Variants in GNAI3 observed in about 807,000 individuals in gnomAD.
GNAI3 encodes guanine nucleotide-binding protein G(i) subunit alpha-3.
GNAI3 carries 12 observed loss-of-function variants against 41.8 expected under a neutral mutation model. The ratio of observed to expected loss-of-function variants is 0.29; its 90% CI spans 0.18 to 0.47. The LOEUF (loss-of-function observed/expected upper bound fraction) is 0.47, where lower values mean the gene tolerates loss of function less well. Ranked by LOEUF, GNAI3 falls within the 20% of genes least tolerant of loss-of-function variation. The pLI is 1.00. For missense variants in GNAI3, 360 were observed against 429.6 expected, an observed-to-expected ratio of 0.84 and a Z score of 1.43; for synonymous variants, 132 against 146.5, an observed-to-expected ratio of 0.90 and a Z score of 0.71.
chr1:109,597,759 A>G lies in GNAI3; in HGVS notation c.*5437A>G, dbSNP rs1161796386. 2 of 152,252 alleles carry G rather than the reference A, an allele frequency of 1.3e-5. No homozygotes were observed. The highest frequency in any genetic ancestry group is 4.8e-5 in the African/African-American group (2 of 41,466). The allele number at this position is 152,252 out of a possible 1,614,324, so 9.4% of individuals were successfully genotyped here. On this transcript the variant is annotated 3_prime_UTR_variant, in exon 9 of 9. Transcript: ENST00000369851. ...TTATTTATGCAGTGAAAATTGAAAG[A>G]TACACCAAATTAAAGATAAAACCCT... is the stretch of plus-strand genomic sequence containing the variant.
At chr1:109,584,000 A>G (rs1406387227) in intron 5 of GNAI3, among the ~76,000 whole-genome samples, 2 of 152,104 alleles carry the variant, frequency 1.3e-5, no homozygotes, top group Non-Finnish European at 2.9e-5. Flanking sequence ...GACCTTTGAG[A>G]TTAGGAGTAA....
At chr1:109,590,403 C>A (rs72987042) in intron 7 of GNAI3, among the ~76,000 whole-genome samples, 2 of 152,072 alleles carry the variant, frequency 1.3e-5, no homozygotes, top group Non-Finnish European at 2.9e-5. Flanking sequence ...CAGATTCTTA[C>A]GGTCCTTATT....
Position 109,575,310 on chromosome 1 carries a change from C to T in GNAI3, c.303+1273C>T, listed in dbSNP as rs534378986. ...TCTATCTGTGGTCTTATTTTTTCTTCCTCCCTTTTCTCATTTCTCCCTATC... is the reference window on the plus strand; with the variant it reads ...TCTATCTGTGGTCTTATTTTTTCTTTCTCCCTTTTCTCATTTCTCCCTATC... On this transcript the variant is annotated intron_variant, in intron 3 of 8. Coordinates refer to ENST00000369851, the MANE Select transcript of GNAI3 (RefSeq NM_006496.4). Among the ~76,000 whole-genome samples the T allele has an allele frequency of 6.0e-5, 9 of 150,958 alleles. No homozygotes were observed. In the East Asian group the frequency reaches 1.6e-3, roughly 26 times the overall value.
chr1:109,553,211 G>A (rs748329464), intron 1 of GNAI3, among the ~76,000 whole-genome samples: 2 of 151,998 alleles, frequency 1.3e-5, no homozygotes, highest in African/African-American at 4.8e-5. Flanking sequence ...GTGGTGAAAG[G>A]AATTAAATGT....
intron 1 of GNAI3, among the ~76,000 whole-genome samples, chr1:109,555,967 T>TGCGTGC (rs1553222507): frequency 0.08 from 6,892 of 86,584 alleles, 195 homozygotes; most frequent in African/African-American, 0.15. Context: ...TGCGTGCGTG[T>TGCGTGC]GTGTGTGTGT....
In GNAI3 at chr1:109,586,738, C is replaced by A; in HGVS notation, c.730C>A (p.His244Asn). ...TTTATTTCTTTTTCAGAACCGAATGCATGAAAGCATGAAACTGTTTGACAG... is the reference window on the plus strand; with the variant it reads ...TTTATTTCTTTTTCAGAACCGAATGAATGAAAGCATGAAACTGTTTGACAG... ...LAEDEEMNRM[H>N]ESMKLFDSIC... Residue 244 changes from histidine (H) to asparagine (N), a missense_variant, in exon 7 of 9, where the codon CAT (histidine) becomes AAT (asparagine). By Grantham distance (68) the His-to-Asn change is moderately conservative (BLOSUM62 1). Coordinates refer to ENST00000369851, the MANE Select transcript of GNAI3 (RefSeq NM_006496.4). 1 of 1,597,976 alleles carries A rather than the reference C, an allele frequency of 6.3e-7. No homozygotes were observed. Among genetic ancestry groups the A allele is most frequent in the Non-Finnish European group, 8.5e-7 (1 of 1,170,088 alleles).
At chr1:109,559,845 A>G (rs996172538) in intron 1 of GNAI3, among the ~76,000 whole-genome samples, 3 of 152,130 alleles carry the variant, frequency 2.0e-5, no homozygotes, top group Admixed American at 6.5e-5. Context: ...TCTGTAATTC[A>G]AGCTGTTTGA....
chr1:109,549,131 T>C lies in GNAI3; in HGVS notation c.118+293T>C, dbSNP rs572482077. ...GGTAGATGTTGAGGGAGTAGGAATA[T>C]GGGAAAAGCTCATAAAGGAAGAGTT... On this transcript the variant is annotated intron_variant, in intron 1 of 8. Coordinates refer to ENST00000369851, the MANE Select transcript of GNAI3 (RefSeq NM_006496.4). Among the ~76,000 whole-genome samples, 5 of 152,096 alleles carry C rather than the reference T, an allele frequency of 3.3e-5. No homozygotes were observed. The South Asian group carries it at 1.0e-3, about 32-fold the overall frequency.
chr1:109,564,517 A>C (rs911296282), intron 1 of GNAI3, among the ~76,000 whole-genome samples: 4 of 151,930 alleles, frequency 2.6e-5, no homozygotes, highest in Non-Finnish European at 5.9e-5. Flanking sequence ...CTTCCTCTGA[A>C]TCTTTTCCTT....
rs971776563 is a variant in GNAI3, at chr1:109,594,715, C to T, written c.*2393C>T. 5 of 143,452 alleles carry T rather than the reference C, an allele frequency of 3.5e-5. No individual in the cohort carries two copies. The highest frequency in any genetic ancestry group is 8.0e-5 in the African/African-American group (3 of 37,690). 8.9% of individuals were successfully genotyped at this position (143,452 alleles called of 1,614,324 possible). On this transcript the variant is annotated 3_prime_UTR_variant, in exon 9 of 9. Coordinates refer to ENST00000369851, the MANE Select transcript of GNAI3 (RefSeq NM_006496.4). ...TCGCCCAGGCTGGAGTGCAGTGGCG[C>T]GATCTCGGCTTATTGCAAGCTCTGC...
chr1:109,567,480 C>G (rs1304302969), intron 1 of GNAI3, among the ~76,000 whole-genome samples: 3 of 152,128 alleles, frequency 2.0e-5, no homozygotes, highest in African/African-American at 7.2e-5. Context: ...GCTGAAAATA[C>G]ATTTAAGGAA....
intron 5 of GNAI3, among the ~76,000 whole-genome samples, chr1:109,585,874 G>A (rs901683162): frequency 5.9e-5 from 9 of 152,034 alleles, no homozygotes; most frequent in African/African-American, 2.2e-4. Context: ...ATCTCAAACT[G>A]TTTTATTTAG....
Position 109,592,415 on chromosome 1 carries a change from G to T in GNAI3, c.*93G>T, listed in dbSNP as rs909564440. 1.5e-5 allele frequency: 7 copies of T among 480,038 alleles called. No homozygotes were observed. Among genetic ancestry groups the T allele is most frequent in the African/African-American group, 1.3e-4 (7 of 52,492 alleles). 29.7% of individuals were successfully genotyped at this position (480,038 alleles called of 1,614,324 possible). On this transcript the variant is annotated 3_prime_UTR_variant, in exon 9 of 9. Transcript: ENST00000369851. ...ATGGGGCAGCTACAAGCATGAACGG[G>T]ACCAGGGAATGGCAGCAGCATGCAG...
Position 109,555,959 on chromosome 1 carries a change from CGTGCGTGT to C in GNAI3, c.118+7125_118+7132del, listed in dbSNP as rs770619620. On this transcript the variant is annotated intron_variant, in intron 1 of 8. Transcript: ENST00000369851. ...TTTCTCCTGGGGAAAGGAGTGCGTG[CGTGCGTGT>C]GTGTGTGTGTGTGTGTGTGTGTGTG... Among the ~76,000 whole-genome samples the C allele has an allele frequency of 9.1e-3, 878 of 96,810 alleles. 8 individuals are homozygous for C. The highest frequency in any genetic ancestry group is 0.012 in the Non-Finnish European group (585 of 47,654). The allele number at this position is 96,810 out of a possible 152,430, so 63.5% of individuals were successfully genotyped here.
At chr1:109,570,201 G>A (rs1013244442) in intron 1 of GNAI3, among the ~76,000 whole-genome samples, 4 of 152,090 alleles carry the variant, frequency 2.6e-5, no homozygotes, top group Admixed American at 1.3e-4. Context: ...CCTGATTATC[G>A]ATTATGTAAT....
chr1:109,555,993 T>C (rs2101089658), intron 1 of GNAI3, among the ~76,000 whole-genome samples: 1 of 151,346 alleles, frequency 6.6e-6, no homozygotes, highest in Middle Eastern at 3.4e-3. Context: ...TGTGTGTGTG[T>C]GTGTGTTTGT....
In GNAI3 at chr1:109,548,712, G is replaced by T; in HGVS notation, c.-9G>T. The stretch of plus-strand genomic sequence containing the variant: ...AGTCCGGGCCCGTGTCCCCTCTCCC[G>T]CCGCCGCCATGGGCTGCACGTTGAG... On this transcript the variant is annotated 5_prime_UTR_variant, in exon 1 of 9. Transcript: ENST00000369851. The T allele has an allele frequency of 6.3e-7, 1 of 1,598,816 alleles. No homozygotes were observed. The highest frequency in any genetic ancestry group is 1.3e-5 in the African/African-American group (1 of 74,706).
At chr1:109,553,009 A>C (rs1648031068) in intron 1 of GNAI3, among the ~76,000 whole-genome samples, 1 of 152,238 alleles carries the variant, frequency 6.6e-6, no homozygotes. Context: ...GAAATGAGAT[A>C]ATGCATGTAA....
At chr1:109,566,410 AG>A (rs1333455071) in intron 1 of GNAI3, among the ~76,000 whole-genome samples, 1 of 152,204 alleles carries the variant, frequency 6.6e-6, no homozygotes, top group Non-Finnish European at 1.5e-5. Flanking sequence ...TCAGGCATGT[AG>A]GAGACATGTT....
Sources: allele counts gnomAD v4.1 joint callset (sites outside exome capture counted in the v4.1 genomes callset), GRCh38; gene constraint gnomAD v4.1.1; transcripts MANE v1.5; gene names NCBI Gene and HGNC (gene_info 2026-07-23, HGNC 2026-07-21).